PLS1: variants seen among roughly 807,000 people sequenced by gnomAD.
The protein encoded by PLS1 is plastin 1.
In PLS1, 32 loss-of-function variants were observed where a neutral mutation model predicts 73.7. That is an observed-to-expected ratio of 0.43 (90% CI 0.33 to 0.58). PLS1 has a LOEUF of 0.58. PLS1 is among the 20% of genes least tolerant of loss of function. The pLI, the probability that PLS1 is intolerant of heterozygous loss-of-function variation, is 0.04. For missense variants in PLS1, 633 were observed against 740.5 expected (o/e 0.85, Z 1.68); for synonymous variants, 217 against 261.3 (o/e 0.83, Z 1.63).
At chr3:142,710,832 ATTTAG>A (rs1330563690) in intron 14 of PLS1, among the ~76,000 whole-genome samples, 2 of 152,188 alleles carry the variant, frequency 1.3e-5, no homozygotes, top group African/African-American at 4.8e-5. Context: ...ATTCACTATA[ATTTAG>A]TTGTCCATTT....
chr3:142,647,503 C>T (rs374741508), intron 1 of PLS1, among the ~76,000 whole-genome samples: 6 of 141,930 alleles, frequency 4.2e-5, no homozygotes, highest in Non-Finnish European at 4.6e-5. Flanking sequence ...TTTTTCTTTT[C>T]TTTTTTTTTT....
intron 1 of PLS1, among the ~76,000 whole-genome samples, chr3:142,628,829 C>G (rs2036489147): frequency 6.6e-6 from 1 of 152,108 alleles, no homozygotes. Flanking sequence ...AACAGACAAA[C>G]AAAAAACACT....
In PLS1 at chr3:142,610,509, C is replaced by T. The variant is rs563527462; in HGVS notation, c.-37+14000C>T. On this transcript the variant is annotated intron_variant, in intron 1 of 15. Transcript: ENST00000457734. Reference sequence around the variant, plus strand: ...TATCTAAAAATAAGCTTAAGGTGAACTAAGCCCATAGGATGTTTTTTTAAT... The same window carrying T: ...TATCTAAAAATAAGCTTAAGGTGAATTAAGCCCATAGGATGTTTTTTTAAT... Among the ~76,000 whole-genome samples the T allele has an allele frequency of 5.9e-5, 9 of 152,232 alleles. No homozygotes were observed. In the South Asian group the frequency reaches 1.9e-3, roughly 32 times the overall value.
At position 142,711,487 on chromosome 3, in the gene PLS1, G is replaced by A. The variant is rs1933123254; in HGVS notation, c.1630-14G>A. On this transcript the variant is annotated splice_polypyrimidine_tract_variant and intron_variant, in intron 14 of 15. Transcript: ENST00000457734. ...CAGATGTTTATGAATGTTCATCTAT[G>A]CTTTATTTTCTAGGATAAATCTATA... is the stretch of plus-strand genomic sequence containing the variant. 2 of 1,553,870 alleles carry A rather than the reference G, an allele frequency of 1.3e-6. No homozygotes were observed. Among genetic ancestry groups the A allele is most frequent in the South Asian group, 2.3e-5 (2 of 86,854 alleles).
rs113785762 is a variant in PLS1 at position 142,697,657 on chromosome 3, G to A, written c.1257-296G>A. Among the ~76,000 whole-genome samples, 303 of 152,288 alleles carry A rather than the reference G, an allele frequency of 2.0e-3. 4 individuals carry two copies. Among genetic ancestry groups the A allele is most frequent in the African/African-American group, 7.0e-3 (291 of 41,550 alleles). On this transcript the variant is annotated intron_variant, in intron 11 of 15. Transcript: ENST00000457734. ...CCTTATGTCCAATGGTGGCCAAGGA[G>A]TTTATAGTATAGTTTACTTAACAGC... is the stretch of plus-strand genomic sequence containing the variant.
intron 4 of PLS1, among the ~76,000 whole-genome samples, chr3:142,672,726 T>C (rs2037632006): frequency 6.6e-6 from 1 of 152,178 alleles, no homozygotes; most frequent in Non-Finnish European, 1.5e-5. Context: ...TAGAAAAATA[T>C]ATGGAATATT....
intron 4 of PLS1, chr3:142,673,918 T>C (rs1391953444): frequency 6.6e-6 from 1 of 152,222 alleles, no homozygotes; most frequent in East Asian, 1.9e-4. Context: ...CCAACACTTG[T>C]TTTTGTCCAT....
At position 142,704,600 on chromosome 3, in the gene PLS1, C is replaced by A; in HGVS notation, c.1629+14C>A. On this transcript the variant is annotated intron_variant, in intron 14 of 15. Transcript: ENST00000457734. The stretch of plus-strand genomic sequence containing the variant: ...TCCAGCTTCAAGGTAATCAAGAGTC[C>A]TAAAAAAAATTTTTTTTTGTAGGTA... 1.5e-6 allele frequency: 2 copies of A among 1,321,988 alleles called. No individual in the cohort carries two copies. The highest frequency in any genetic ancestry group is 2.0e-6 in the Non-Finnish European group (2 of 983,652). The allele number at this position is 1,321,988 out of a possible 1,614,324, so 81.9% of individuals were successfully genotyped here. A position where few individuals can be genotyped will look rare whatever the true frequency, so the allele number is the denominator to read the frequency against.
intron 1 of PLS1, among the ~76,000 whole-genome samples, chr3:142,641,175 T>A (rs941528866): frequency 4.9e-5 from 7 of 143,344 alleles, no homozygotes; most frequent in Middle Eastern, 3.4e-3. Flanking sequence ...TATATATATA[T>A]TATATATATA....
chr3:142,632,610 T>C (rs1300368797), intron 1 of PLS1, among the ~76,000 whole-genome samples: 2 of 151,632 alleles, frequency 1.3e-5, no homozygotes, highest in Non-Finnish European at 2.9e-5. Context: ...TTTTTTTTTT[T>C]TCCCCTGAGA....
At chr3:142,621,642 G>T (rs1399904518) in intron 1 of PLS1, among the ~76,000 whole-genome samples, 1 of 152,066 alleles carries the variant, frequency 6.6e-6, no homozygotes, top group African/African-American at 2.4e-5. Flanking sequence ...ATAACATTTT[G>T]GCCTTGGTTA....
chr3:142,605,056 A>T lies in PLS1; in HGVS notation c.-37+8547A>T, dbSNP rs141454394. 8.1e-3 allele frequency among the ~76,000 whole-genome samples: 1,237 copies of T among 152,326 alleles called. 10 individuals carry two copies. Among genetic ancestry groups the T allele is most frequent in the Non-Finnish European group, 0.013 (852 of 68,032 alleles). Reference sequence around the variant, plus strand: ...ATTTAAAGTTTAGATACCTGAAACCAGTTGGCCTATGATCAGAACCATGGA... The same window carrying T: ...ATTTAAAGTTTAGATACCTGAAACCTGTTGGCCTATGATCAGAACCATGGA... On this transcript the variant is annotated intron_variant, in intron 1 of 15. Coordinates refer to ENST00000457734, the MANE Select transcript of PLS1 (RefSeq NM_001145319.2).
rs1193245762 is a variant in PLS1 at position 142,684,055 on chromosome 3, TG to T, written c.631del (p.Val211SerfsTer40). On this transcript the variant is annotated frameshift_variant, in exon 7 of 16. Transcript: ENST00000457734. LOFTEE classifies it high-confidence loss of function. Reference protein sequence around the residue: ...LNSASAIGCTVVNIGASDLKE... With the variant: ...LNSASAIGCTXVNIGASDLKE... The stretch of plus-strand genomic sequence containing the variant: ...TCTGCCTCAGCCATTGGTTGTACAG[TG>T]GTCAACATTGGTGCATCAGATCTCA... 1 of 1,613,694 alleles carries T rather than the reference TG, an allele frequency of 6.2e-7. No individual in the cohort carries two copies. Among genetic ancestry groups the T allele is most frequent in the Non-Finnish European group, 8.5e-7 (1 of 1,179,764 alleles).
chr3:142,619,590 C>G (rs181058628), intron 1 of PLS1: 1 of 152,158 alleles, frequency 6.6e-6, no homozygotes, highest in Non-Finnish European at 1.5e-5. Context: ...ATGTTTTCCT[C>G]CATAAATGTG....
At chr3:142,609,253 T>A (rs888404032) in intron 1 of PLS1, among the ~76,000 whole-genome samples, 30 of 152,226 alleles carry the variant, frequency 2.0e-4, no homozygotes, top group African/African-American at 7.2e-4. Flanking sequence ...ACAAATTAAC[T>A]GTGACATCTC....
intron 1 of PLS1, among the ~76,000 whole-genome samples, chr3:142,603,389 A>G (rs948383212): frequency 6.6e-6 from 1 of 152,238 alleles, no homozygotes; most frequent in South Asian, 2.1e-4. Context: ...AGAGTTAGAC[A>G]TAGCTTTGTT....
In PLS1 at chr3:142,694,446, GTGTGAGCT is replaced by G; in HGVS notation, c.1178-18_1178-11del. The G allele has an allele frequency of 6.7e-7, 1 of 1,493,500 alleles. No homozygotes were observed. Among genetic ancestry groups the G allele is most frequent in the Admixed American group, 1.7e-5 (1 of 59,176 alleles). The allele number at this position is 1,493,500 out of a possible 1,614,324, so 92.5% of individuals were successfully genotyped here. A position where few individuals can be genotyped will look rare whatever the true frequency, so the allele number is the denominator to read the frequency against. On this transcript the variant is annotated splice_polypyrimidine_tract_variant and intron_variant, in intron 10 of 15. Transcript: ENST00000457734. The stretch of plus-strand genomic sequence containing the variant: ...TGGTTCCTTTTGTCCTGAGTCATCA[GTGTGAGCT>G]TGTGTCTACTCTAGGAGAGAGCAAG...
chr3:142,602,459 A>G (rs372733014), intron 1 of PLS1, among the ~76,000 whole-genome samples: 1 of 152,114 alleles, frequency 6.6e-6, no homozygotes, highest in African/African-American at 2.4e-5. Flanking sequence ...TATGGCCATA[A>G]ACCCCCAGGA....
intron 12 of PLS1, among the ~76,000 whole-genome samples, chr3:142,701,362 C>G (rs552685034): frequency 2.0e-4 from 31 of 152,326 alleles, no homozygotes; most frequent in African/African-American, 6.5e-4. Flanking sequence ...TTGCAGTATA[C>G]TGGTTGAGCA....
Sources: allele counts gnomAD v4.1 joint callset (sites outside exome capture counted in the v4.1 genomes callset), GRCh38; gene constraint gnomAD v4.1.1; transcripts MANE v1.5; gene names NCBI Gene and HGNC (gene_info 2026-07-23, HGNC 2026-07-21).